Variants in SEC11C observed in about 807,000 individuals in gnomAD.
The protein encoded by SEC11C is signal peptidase complex catalytic subunit SEC11C.
Under a neutral mutation model 21.9 loss-of-function variants are expected in SEC11C, and 10 were observed. The observed-to-expected ratio is 0.46, with a 90% CI of 0.28 to 0.77. The LOEUF is 0.77. Ranked by LOEUF, SEC11C falls within the 30% of genes least tolerant of loss-of-function variation. SEC11C has a pLI of 0.12. For missense variants in SEC11C, 145 were observed against 244.5 expected, an observed-to-expected ratio of 0.59 and a Z score of 2.71; for synonymous variants, 83 against 85.6, an observed-to-expected ratio of 0.97 and a Z score of 0.17.
intron 1 of SEC11C, chr18:59,147,181 TG>T (rs1462146866): frequency 2.6e-5 from 4 of 152,222 alleles, no homozygotes; most frequent in African/African-American, 9.7e-5. Context: ...CCAGGCCTTG[TG>T]TATTTTAAAC....
chr18:59,143,220 G>A (rs944096068), intron 1 of SEC11C, among the ~76,000 whole-genome samples: 2 of 151,814 alleles, frequency 1.3e-5, no homozygotes, highest in African/African-American at 4.8e-5. Context: ...GGGTGTGGTG[G>A]TGCACACCTG....
At chr18:59,147,356 A>G (rs1037432803) in intron 1 of SEC11C, 8 of 152,184 alleles carry the variant, frequency 5.3e-5, no homozygotes, top group Non-Finnish European at 2.9e-5. Flanking sequence ...ACTCAATTCA[A>G]AAGTATGTTC....
rs2069366929 is a variant in SEC11C at position 59,152,420 on chromosome 18, CTCGTTTT to C, written c.198-115_198-109del. 6 of 1,135,396 alleles carry C rather than the reference CTCGTTTT, an allele frequency of 5.3e-6. No homozygotes were observed. In the East Asian group the frequency reaches 1.5e-4, roughly 29 times the overall value. The allele number at this position is 1,135,396 out of a possible 1,614,324, so 70.3% of individuals were successfully genotyped here. A position where few individuals can be genotyped will look rare whatever the true frequency, so the allele number is the denominator to read the frequency against. ...GCAGTTAAGAAGGAAGCCACATTGG[CTCGTTTT>C]ATAGCTCCTGAGACCTACTTGACTA... On this transcript the variant is annotated intron_variant, in intron 2 of 5. Transcript: ENST00000587834.
At chr18:59,150,396 G>T (rs1048202133) in intron 2 of SEC11C, among the ~76,000 whole-genome samples, 1 of 152,200 alleles carries the variant, frequency 6.6e-6, no homozygotes, top group Non-Finnish European at 1.5e-5. Context: ...TCCACCAGGC[G>T]TTGCCACCAC....
In SEC11C at chr18:59,144,762, A is replaced by C. The variant is rs541315573; in HGVS notation, c.87+4727A>C. Among the ~76,000 whole-genome samples, 280 of 150,436 alleles carry C rather than the reference A, an allele frequency of 1.9e-3. 1 individual carries two copies. Among genetic ancestry groups the C allele is most frequent in the Non-Finnish European group, 3.2e-3 (215 of 67,564 alleles). On this transcript the variant is annotated intron_variant, in intron 1 of 5. Coordinates refer to ENST00000587834, the MANE Select transcript of SEC11C (RefSeq NM_033280.4). ...AAAAAAAAAAAAAGTTGCTAGAAACAAAAAAAAAGGAAGGGGTTGCAAGGA... is the reference window on the plus strand; with the variant it reads ...AAAAAAAAAAAAAGTTGCTAGAAACCAAAAAAAAGGAAGGGGTTGCAAGGA...
chr18:59,142,968 G>A (rs2069228521), intron 1 of SEC11C, among the ~76,000 whole-genome samples: 1 of 152,182 alleles, frequency 6.6e-6, no homozygotes, highest in Non-Finnish European at 1.5e-5. Flanking sequence ...GTCAATGTCT[G>A]CTTAGCACTC....
chr18:59,142,056 G>C (rs1338115548), intron 1 of SEC11C, among the ~76,000 whole-genome samples: 1 of 151,980 alleles, frequency 6.6e-6, no homozygotes, highest in African/African-American at 2.4e-5. Flanking sequence ...ACATGGTGGT[G>C]GTTTTTTTTT....
chr18:59,153,440 G>A (rs1269731863), intron 3 of SEC11C: 1 of 152,016 alleles, frequency 6.6e-6, no homozygotes, highest in Non-Finnish European at 1.5e-5. Flanking sequence ...GTATGCATAG[G>A]TATGTTTTTA....
rs758555283 is a variant in SEC11C, at chr18:59,157,681, T to G, written c.525+16T>G. 6 of 1,530,836 alleles carry G rather than the reference T, an allele frequency of 3.9e-6. No homozygotes were observed. Among genetic ancestry groups the G allele is most frequent in the Non-Finnish European group, 5.4e-6 (6 of 1,105,478 alleles). 94.8% of individuals were successfully genotyped at this position (1,530,836 alleles called of 1,614,324 possible). Reference sequence around the variant, plus strand: ...AAAATTCAAGGTAGGAATTTATGTGTGTCTATATTTATTTACTTCGTTAAA... The same window carrying G: ...AAAATTCAAGGTAGGAATTTATGTGGGTCTATATTTATTTACTTCGTTAAA... On this transcript the variant is annotated intron_variant, in intron 5 of 5. Transcript: ENST00000587834.
intron 1 of SEC11C, among the ~76,000 whole-genome samples, chr18:59,143,352 CAAAAAAAAAAA>C (rs36204971): frequency 9.0e-6 from 1 of 111,168 alleles, no homozygotes; most frequent in African/African-American, 3.0e-5. Context: ...GACTCCATTT[CAAAAAAAAAAA>C]AAAAAAAAAA....
intron 1 of SEC11C, among the ~76,000 whole-genome samples, chr18:59,148,772 C>T (rs1449342896): frequency 1.3e-5 from 2 of 152,172 alleles, no homozygotes; most frequent in Non-Finnish European, 2.9e-5. Flanking sequence ...CACCGCCACG[C>T]CCGGCTAATT....
intron 1 of SEC11C, among the ~76,000 whole-genome samples, chr18:59,143,901 G>T (rs2069241126): frequency 6.8e-6 from 1 of 147,414 alleles, no homozygotes; most frequent in South Asian, 2.1e-4. Context: ...ACCCAGGCTG[G>T]AGTGCAGTGG....
intron 1 of SEC11C, among the ~76,000 whole-genome samples, chr18:59,145,406 T>G (rs1424149169): frequency 1.3e-5 from 2 of 152,210 alleles, no homozygotes; most frequent in Non-Finnish European, 2.9e-5. Flanking sequence ...AGGGTTCTGT[T>G]GGACACTGAC....
At chr18:59,146,810 G>A (rs950590203) in intron 1 of SEC11C, among the ~76,000 whole-genome samples, 2 of 152,026 alleles carry the variant, frequency 1.3e-5, no homozygotes, top group Non-Finnish European at 2.9e-5. Context: ...GGGAGGAGGA[G>A]GTATAGAGCC....
intron 1 of SEC11C, among the ~76,000 whole-genome samples, chr18:59,141,097 G>T (rs2069204857): frequency 6.6e-6 from 1 of 152,076 alleles, no homozygotes; most frequent in Admixed American, 6.5e-5. Flanking sequence ...GATGTGGGGT[G>T]GTGCCCATGG....
In SEC11C at chr18:59,149,560, C is replaced by T; in HGVS notation, c.135C>T (p.Leu45=). ...TCGCCATGATCGTGTCTTCTGCACT[C>T]ATGATATGGAAAGGCTTGATCGTGC... ...LNFAMIVSSA[L]MIWKGLIVLT... Residue 45 remains leucine (L), a synonymous_variant, in exon 2 of 6, where the codon CTC becomes CTT. Transcript: ENST00000587834. 1.2e-6 allele frequency: 2 copies of T among 1,613,346 alleles called. No individual in the cohort carries two copies. The highest frequency in any genetic ancestry group is 1.1e-5 in the South Asian group (1 of 91,026).
intron 1 of SEC11C, among the ~76,000 whole-genome samples, chr18:59,140,821 C>T (rs1026002957): frequency 3.9e-5 from 6 of 152,084 alleles, no homozygotes; most frequent in African/African-American, 7.2e-5. Flanking sequence ...GGCCTTATCT[C>T]TTCACTATAA....
chr18:59,141,083 T>C (rs2069204703), intron 1 of SEC11C, among the ~76,000 whole-genome samples: 1 of 152,212 alleles, frequency 6.6e-6, no homozygotes, highest in African/African-American at 2.4e-5. Flanking sequence ...CTCCATCATG[T>C]TGAGATGTGG....
intron 5 of SEC11C, 138 bp from the exon 6 acceptor site, chr18:59,158,494 A>G (rs1481070101): frequency 5.9e-6 from 4 of 681,296 alleles, no homozygotes; most frequent in Non-Finnish European, 1.0e-5. Flanking sequence ...GCTCATTTAG[A>G]GAACAAGCCA....
Sources: gnomAD v4.1 joint callset for allele counts (sites outside exome capture counted in the v4.1 genomes callset) on GRCh38, gnomAD v4.1.1 for gene constraint, MANE v1.5 for transcripts, NCBI Gene and HGNC (gene_info 2026-07-23, HGNC 2026-07-21) for gene names.